The following PCSK6 variants were observed in gnomAD, a reference collection of about 807,000 sequenced individuals.
The protein encoded by PCSK6 is paired basic amino acid cleaving enzyme 4.
A neutral mutation model predicts 123.3 loss-of-function variants in PCSK6; 85 were observed. That is an observed-to-expected ratio of 0.69 (90% CI 0.58 to 0.83). The LOEUF (loss-of-function observed/expected upper bound fraction) is 0.83. Ranked by LOEUF, PCSK6 falls within the 40% of genes least tolerant of loss-of-function variation. The pLI is 0.00. For missense variants in PCSK6, 1,191 were observed against 1,282.3 expected (o/e 0.93, Z 1.09); for synonymous variants, 508 against 516.0 (o/e 0.98, Z 0.21).
At chr15:101,481,790 G>C (rs1424692197) in intron 1 of PCSK6, among the ~76,000 whole-genome samples, 1 of 152,238 alleles carries the variant, frequency 6.6e-6, no homozygotes, top group Non-Finnish European at 1.5e-5. Context: ...GATTAGTCCA[G>C]CTGATAAATG....
intron 10 of PCSK6, chr15:101,384,047 T>C (rs1399196106): frequency 1.1e-6 from 1 of 904,710 alleles, no homozygotes; most frequent in Non-Finnish European, 1.3e-6. Context: ...AAGAGAACTA[T>C]GAGTAAATAT....
chr15:101,308,881 A>C (rs1596162524), intron 20 of PCSK6: 1 of 152,274 alleles, frequency 6.6e-6, no homozygotes, highest in East Asian at 1.9e-4. Context: ...GGCCGAGCTG[A>C]GTCATTTAAA....
chr15:101,474,954 T>G (rs1161244852), intron 1 of PCSK6, among the ~76,000 whole-genome samples: 2 of 152,178 alleles, frequency 1.3e-5, no homozygotes. Flanking sequence ...TGTTTTCGGA[T>G]GGGATGCAGA....
intron 9 of PCSK6, among the ~76,000 whole-genome samples, chr15:101,388,317 C>CA (rs1302516084): frequency 6.6e-6 from 1 of 152,198 alleles, no homozygotes; most frequent in Admixed American, 6.5e-5. Context: ...CATGCAAACA[C>CA]ACGTAATTAC....
intron 13 of PCSK6, among the ~76,000 whole-genome samples, chr15:101,335,058 C>T (rs1157063835): frequency 6.6e-6 from 1 of 152,184 alleles, no homozygotes; most frequent in Non-Finnish European, 1.5e-5. Context: ...TTCCCAGGCT[C>T]AAGCCATCCT....
rs752723718 is a variant in PCSK6, at chr15:101,389,488, A to C, written c.1286T>G (p.Ile429Ser). Residue 429 changes from isoleucine to serine, a missense_variant, in exon 9 of 22, where the codon ATC (isoleucine) becomes AGC (serine). Coordinates refer to ENST00000611716, the MANE Select transcript of PCSK6 (RefSeq NM_002570.5). Reference protein sequence around the residue: ...TSVSAPMVAGIIALALEANSQ... With the variant: ...TSVSAPMVAGSIALALEANSQ... The stretch of plus-strand genomic sequence containing the variant: ...CTTTGCTTCTAGAGCCAAGGCGATG[A>C]TGCCCGCCACCATGGGGGCAGAGAC... 6.2e-7 allele frequency: 1 copy of C among 1,613,152 alleles called. No homozygotes were observed. Among genetic ancestry groups the C allele is most frequent in the Non-Finnish European group, 8.5e-7 (1 of 1,179,460 alleles).
chr15:101,488,309 C>T (rs2141286190), intron 1 of PCSK6, among the ~76,000 whole-genome samples: 1 of 152,304 alleles, frequency 6.6e-6, no homozygotes, highest in East Asian at 1.9e-4. Context: ...CTGGTGTGAC[C>T]TCAAAATAAC....
intron 1 of PCSK6, among the ~76,000 whole-genome samples, chr15:101,460,279 C>A (rs951920655): frequency 6.6e-6 from 1 of 152,216 alleles, no homozygotes; most frequent in South Asian, 2.1e-4. Context: ...TGGTCCCTGC[C>A]CCAGCCTTTT....
At chr15:101,362,704 T>G (rs2041269007) in intron 13 of PCSK6, among the ~76,000 whole-genome samples, 1 of 152,098 alleles carries the variant, frequency 6.6e-6, no homozygotes, top group Non-Finnish European at 1.5e-5. Flanking sequence ...ACCCAGTAAC[T>G]TGCGTACTAT....
intron 19 of PCSK6, among the ~76,000 whole-genome samples, chr15:101,317,874 T>C (rs1005059001): frequency 2.0e-5 from 3 of 152,250 alleles, no homozygotes; most frequent in African/African-American, 7.2e-5. Context: ...GTTTTCCTTT[T>C]GTGGAGAACG....
intron 1 of PCSK6, among the ~76,000 whole-genome samples, chr15:101,461,155 A>T (rs775887536): frequency 2.6e-5 from 4 of 152,238 alleles, no homozygotes; most frequent in Non-Finnish European, 5.9e-5. Context: ...GCAAACGAAT[A>T]AATAACATGA....
At chr15:101,473,317 A>G (rs2057651214) in intron 1 of PCSK6, among the ~76,000 whole-genome samples, 1 of 152,162 alleles carries the variant, frequency 6.6e-6, no homozygotes, top group African/African-American at 2.4e-5. Flanking sequence ...ATCATAGCTC[A>G]CTACAGCCTC....
At chr15:101,488,040 A>G (rs1347193582) in intron 1 of PCSK6, among the ~76,000 whole-genome samples, 1 of 152,178 alleles carries the variant, frequency 6.6e-6, no homozygotes, top group African/African-American at 2.4e-5. Context: ...AGATTCCTTC[A>G]TTCGAATGGT....
At position 101,380,349 on chromosome 15, in the gene PCSK6, G is replaced by A. The variant is rs555038737; in HGVS notation, c.1532+1743C>T. Among the ~76,000 whole-genome samples the A allele has an allele frequency of 2.0e-5, 3 of 152,348 alleles. No homozygotes were observed. In the East Asian group the frequency reaches 5.8e-4, roughly 29 times the overall value. ...CGCCCTGACGGGGACACGAGCGGAGGCGCCGGGGCAGAGGGCAGCCCCCAG... is the reference window on the plus strand; with the variant it reads ...CGCCCTGACGGGGACACGAGCGGAGACGCCGGGGCAGAGGGCAGCCCCCAG... On this transcript the variant is annotated intron_variant, in intron 11 of 21. Coordinates refer to ENST00000611716, the MANE Select transcript of PCSK6 (RefSeq NM_002570.5).
At chr15:101,448,992 T>C (rs2056963423) in intron 1 of PCSK6, among the ~76,000 whole-genome samples, 1 of 152,220 alleles carries the variant, frequency 6.6e-6, no homozygotes, top group African/African-American at 2.4e-5. Flanking sequence ...TATACACGTG[T>C]ATATACGTAT....
intron 11 of PCSK6, among the ~76,000 whole-genome samples, chr15:101,379,322 C>T (rs1033975691): frequency 3.9e-5 from 6 of 152,186 alleles, no homozygotes; most frequent in South Asian, 2.1e-4. Flanking sequence ...CCCTCTCCCT[C>T]AGGACCATGT....
chr15:101,334,097 G>A (rs148160471), intron 13 of PCSK6: 35 of 152,380 alleles, frequency 2.3e-4, no homozygotes, highest in African/African-American at 7.5e-4. Flanking sequence ...CACAGGGCTC[G>A]GTTCATTAAG....
chr15:101,323,264 A>G (rs1040964055), intron 17 of PCSK6, among the ~76,000 whole-genome samples: 1 of 152,164 alleles, frequency 6.6e-6, no homozygotes, highest in Non-Finnish European at 1.5e-5. Context: ...CATACGCCAT[A>G]AAGCAGGTGC....
intron 20 of PCSK6, among the ~76,000 whole-genome samples, chr15:101,310,854 C>T (rs1207333819): frequency 2.6e-5 from 4 of 152,182 alleles, no homozygotes; most frequent in African/African-American, 9.7e-5. Context: ...GCCATGGGCA[C>T]CCCTCCCCTG....
Sources: allele counts gnomAD v4.1 joint callset (sites outside exome capture counted in the v4.1 genomes callset), GRCh38; gene constraint gnomAD v4.1.1; transcripts MANE v1.5; gene names NCBI Gene and HGNC (gene_info 2026-07-23, HGNC 2026-07-21).